DENND2A: variants seen among roughly 807,000 people sequenced by gnomAD.
DENND2A encodes DENN domain containing 2A.
In DENND2A, 53 loss-of-function variants were observed where a neutral mutation model predicts 105.3. The observed-to-expected ratio is 0.50, with a 90% CI of 0.40 to 0.63. The LOEUF (loss-of-function observed/expected upper bound fraction) is 0.63. DENND2A is among the 30% of genes least tolerant of loss of function. The pLI, the probability that DENND2A is intolerant of heterozygous loss-of-function variation, is 0.00. For missense variants in DENND2A, 1,138 were observed against 1,279.6 expected, an observed-to-expected ratio of 0.89 and a Z score of 1.69; for synonymous variants, 522 against 508.4, an observed-to-expected ratio of 1.03 and a Z score of -0.36.
At position 140,559,183 on chromosome 7, in the gene DENND2A, GGTCTGTA is replaced by G. The variant is rs1797513089; in HGVS notation, c.1889+518_1889+524del. Among the ~76,000 whole-genome samples the G allele has an allele frequency of 6.6e-6, 1 of 152,142 alleles. No homozygotes were observed. The highest frequency in any genetic ancestry group is 2.1e-4 in the South Asian group (1 of 4,830). ...CCCTGGGGCAGCTCTCTCAGGGCATGGTCTGTACAGGGCAGCCCCGGGGCTTGGACGG... is the reference window on the plus strand; with the variant it reads ...CCCTGGGGCAGCTCTCTCAGGGCATGCAGGGCAGCCCCGGGGCTTGGACGG... On this transcript the variant is annotated intron_variant, in intron 10 of 19. Transcript: ENST00000496613. This position sits in a 1 kb window ranked among gnomAD's most constrained non-coding sequence, Gnocchi z 4.1.
intron 1 of DENND2A, among the ~76,000 whole-genome samples, chr7:140,622,811 A>G (rs914551682): frequency 1.3e-5 from 2 of 151,900 alleles, no homozygotes; most frequent in African/African-American, 4.8e-5. Flanking sequence ...GACTCAGGGG[A>G]TCTGCCTGCC....
intron 4 of DENND2A, 124 bp from the exon 5 acceptor site, chr7:140,585,834 C>T (rs887228599): frequency 1.9e-5 from 26 of 1,366,184 alleles, no homozygotes; most frequent in Non-Finnish European, 2.3e-5. Flanking sequence ...GCTGTTTTGC[C>T]ATCCATGCGC....
chr7:140,637,717 C>T (rs1801003178), intron 1 of DENND2A, among the ~76,000 whole-genome samples: 2 of 152,202 alleles, frequency 1.3e-5, no homozygotes, highest in African/African-American at 4.8e-5. Flanking sequence ...GCCTGCTTCC[C>T]CGGGGGTCAG....
rs1799538586 is a variant in DENND2A, at chr7:140,602,177, T to A, written c.221A>T (p.Tyr74Phe). ...CCTCTCCACCGTAGAGGACGGCAGATAATCCTCCTGTCCGTCTGCTCTCCT... is the reference window on the plus strand; with the variant it reads ...CCTCTCCACCGTAGAGGACGGCAGAAAATCCTCCTGTCCGTCTGCTCTCCT... ...PSRRADGQED[Y>F]LPSSTVERRS... Residue 74 changes from tyrosine (Y) to phenylalanine (F), a missense_variant, in exon 3 of 20, where the codon TAT (tyrosine) becomes TTT (phenylalanine). Physicochemically the swap from Tyr to Phe is conservative, Grantham distance 22. Around this residue, in one of 2 missense-constraint regions of DENND2A, gnomAD observed 511 missense variants for 499.9 expected, o/e 1.02. Coordinates refer to ENST00000496613, the MANE Select transcript of DENND2A (RefSeq NM_015689.5). 6.2e-7 allele frequency: 1 copy of A among 1,614,088 alleles called. No individual in the cohort carries two copies. The highest frequency in any genetic ancestry group is 1.1e-5 in the South Asian group (1 of 91,080).
At position 140,601,850 on chromosome 7, in the gene DENND2A, C is replaced by G; in HGVS notation, c.548G>C (p.Gly183Ala). Reference protein sequence around the residue: ...GSAGLDPQLPGTCYSPHCPPD... With the variant: ...GSAGLDPQLPATCYSPHCPPD... ...AGGGCAGTGTGGGGAGTAACAAGTC[C>G]CTGGTAACTGGGGATCCAGCCCTGC... Residue 183 changes from glycine to alanine, a missense_variant, in exon 3 of 20, where the codon GGG (glycine) becomes GCG (alanine). By Grantham distance (60) the Gly-to-Ala change is moderately conservative (BLOSUM62 0). Transcript: ENST00000496613. The G allele has an allele frequency of 8.7e-6, 14 of 1,614,152 alleles. No individual in the cohort carries two copies. Among genetic ancestry groups the G allele is most frequent in the Non-Finnish European group, 1.2e-5 (14 of 1,180,028 alleles).
At chr7:140,629,858 C>CTTT (rs551954045) in intron 1 of DENND2A, among the ~76,000 whole-genome samples, 1 of 138,312 alleles carries the variant, frequency 7.2e-6, no homozygotes, top group Admixed American at 7.4e-5. Flanking sequence ...CTTTCTCTCT[C>CTTT]TTTTTTTTTT....
At chr7:140,569,536 C>T (rs1798002715) in intron 7 of DENND2A, 109 bp downstream of exon 7, 13 of 790,978 alleles carry the variant, frequency 1.6e-5, no homozygotes, top group Non-Finnish European at 2.7e-5. Context: ...TACAAAGCAT[C>T]AGCTTGTTCT....
chr7:140,627,758 C>T (rs543084094), intron 1 of DENND2A, among the ~76,000 whole-genome samples: 7 of 151,990 alleles, frequency 4.6e-5, no homozygotes, highest in African/African-American at 1.4e-4. Context: ...AACTCCTGGG[C>T]TCATGCAATC....
chr7:140,550,389 C>A (rs189387030), intron 12 of DENND2A, among the ~76,000 whole-genome samples: 1 of 152,208 alleles, frequency 6.6e-6, no homozygotes, highest in East Asian at 1.9e-4. Flanking sequence ...CTGAGTTTCG[C>A]TGTTGTTGCC....
intron 1 of DENND2A, among the ~76,000 whole-genome samples, chr7:140,611,863 A>G (rs180794505): frequency 3.3e-5 from 5 of 152,292 alleles, no homozygotes; most frequent in Admixed American, 3.3e-4. Context: ...CTTTGGAATG[A>G]TAGAAATGTC....
At chr7:140,573,705 G>A in intron 6 of DENND2A, 103 bp downstream of exon 6, 10 of 1,301,942 alleles carry the variant, frequency 7.7e-6, no homozygotes, top group South Asian at 4.2e-5. Context: ...ACACAGGTGG[G>A]AGAGGGGCCA....
chr7:140,525,600 T>G lies in DENND2A; in HGVS notation c.2547+151A>C, dbSNP rs1304698641. On this transcript the variant is annotated intron_variant, in intron 16 of 19. Transcript: ENST00000496613. Reference sequence around the variant, plus strand: ...TCCTTTTTGCCCCTTGCCTTCTGGCTTGTCCTCAGCCCAGCCCCGTCCTGG... The same window carrying G: ...TCCTTTTTGCCCCTTGCCTTCTGGCGTGTCCTCAGCCCAGCCCCGTCCTGG... 5.8e-5 allele frequency: 32 copies of G among 555,290 alleles called. No homozygotes were observed. In the Admixed American group the frequency reaches 1.3e-3, roughly 23 times the overall value. 34.4% of individuals were successfully genotyped at this position (555,290 alleles called of 1,614,324 possible).
Position 140,573,870 on chromosome 7 carries a change from C to T in DENND2A, c.1384G>A (p.Asp462Asn), listed in dbSNP as rs1445459894. ...ISPPSTPSSP[D>N]DIFFNLGDPQ... ...TCTCCAAGGTTAAAGAAAATGTCATCAGGGCTGCTGGGAGTGGAGGGAGGG... is the reference window on the plus strand; with the variant it reads ...TCTCCAAGGTTAAAGAAAATGTCATTAGGGCTGCTGGGAGTGGAGGGAGGG... The change falls in exon 6 of 20, where the codon GAT becomes AAT. Residue 462 changes from aspartate to asparagine, a missense_variant. Asp to Asn is a conservative substitution (Grantham distance 23). Transcript: ENST00000496613. 1 of 1,613,974 alleles carries T rather than the reference C, an allele frequency of 6.2e-7. No individual in the cohort carries two copies. The highest frequency in any genetic ancestry group is 1.3e-5 in the African/African-American group (1 of 74,916).
At chr7:140,591,942 TC>T (rs1260427381) in intron 3 of DENND2A, among the ~76,000 whole-genome samples, 1 of 26,204 alleles carries the variant, frequency 3.8e-5, no homozygotes, top group Non-Finnish European at 6.2e-5. Context: ...TCCCCTCCCC[TC>T]CCCCCTCCCT....
chr7:140,587,068 G>A (rs1197258991), intron 4 of DENND2A, among the ~76,000 whole-genome samples: 3 of 152,148 alleles, frequency 2.0e-5, no homozygotes, highest in Non-Finnish European at 4.4e-5. Flanking sequence ...TAGAGCCAAA[G>A]TTACTTTTTA....
rs528544309 is a variant in DENND2A, at chr7:140,591,205, G to T, written c.996-3425C>A. The stretch of plus-strand genomic sequence containing the variant: ...CCAGTTACTTGGGAGGCTGAGGTGG[G>T]AGGATCCCTTGAGCCAGGGAGTCGG... On this transcript the variant is annotated intron_variant, in intron 3 of 19. Coordinates refer to ENST00000496613, the MANE Select transcript of DENND2A (RefSeq NM_015689.5). Among the ~76,000 whole-genome samples, 4 of 152,226 alleles carry T rather than the reference G, an allele frequency of 2.6e-5. No homozygotes were observed. The South Asian group carries it at 8.3e-4, about 32-fold the overall frequency.
chr7:140,540,240 A>T (rs1011548877), intron 14 of DENND2A, among the ~76,000 whole-genome samples: 1 of 152,240 alleles, frequency 6.6e-6, no homozygotes, highest in African/African-American at 2.4e-5. Flanking sequence ...CTCCCACAGA[A>T]ATCCCATCCT....
chr7:140,579,402 T>C (rs1798441658), intron 5 of DENND2A, among the ~76,000 whole-genome samples: 1 of 151,682 alleles, frequency 6.6e-6, no homozygotes, highest in Non-Finnish European at 1.5e-5. Flanking sequence ...TCTTTTCTTT[T>C]TTTTTTTTGA....
intron 14 of DENND2A, 133 bp downstream of exon 14, chr7:140,544,485 G>T (rs114896251): frequency 8.3e-7 from 1 of 1,204,882 alleles, no homozygotes; most frequent in East Asian, 2.5e-5. Context: ...GTGAGTCACC[G>T]CGCCCAGCCT....
Sources: gnomAD v4.1 joint callset for allele counts (sites outside exome capture counted in the v4.1 genomes callset) on GRCh38, gnomAD v4.1.1 for gene constraint, gnomAD v4.1.1 regional missense constraint, Gnocchi (gnomAD v3.1) non-coding constraint, MANE v1.5 for transcripts, NCBI Gene and HGNC (gene_info 2026-07-23, HGNC 2026-07-21) for gene names.